The following MITF variants were observed in gnomAD, a reference collection of about 807,000 sequenced individuals.
The protein encoded by MITF is melanocyte inducing transcription factor.
A neutral mutation model predicts 60.5 loss-of-function variants in MITF; 17 were observed. The observed-to-expected ratio is 0.28, with a 90% CI of 0.19 to 0.42. MITF has a LOEUF of 0.42. Among genes scored for constraint, MITF ranks in the 10% least tolerant of loss-of-function variants. The pLI, the probability that MITF is intolerant of heterozygous loss-of-function variation, is 1.00. For missense variants in MITF, 622 were observed against 683.5 expected (o/e 0.91, Z 1.00); for synonymous variants, 260 against 248.5 (o/e 1.05, Z -0.43).
chr3:69,811,568 A>G (rs2063100961), intron 1 of MITF, among the ~76,000 whole-genome samples: 1 of 152,234 alleles, frequency 6.6e-6, no homozygotes, highest in Admixed American at 6.5e-5. Context: ...TCTGTTTCCC[A>G]GAATGGTTTC....
intron 1 of MITF, among the ~76,000 whole-genome samples, chr3:69,841,401 G>T (rs548013175): frequency 6.6e-6 from 1 of 152,330 alleles, no homozygotes; most frequent in South Asian, 2.1e-4. Flanking sequence ...GATAAAAAGT[G>T]CAGGATGCAA....
chr3:69,915,701 C>T (rs2065318897), intron 2 of MITF, among the ~76,000 whole-genome samples: 2 of 152,110 alleles, frequency 1.3e-5, no homozygotes, highest in South Asian at 4.1e-4. Flanking sequence ...AGTAAGAAGA[C>T]CAGGCTTGGA....
intron 1 of MITF, among the ~76,000 whole-genome samples, chr3:69,838,985 C>T (rs976905052): frequency 2.0e-5 from 3 of 152,150 alleles, no homozygotes; most frequent in African/African-American, 7.2e-5. Flanking sequence ...TAGGGTAGCA[C>T]ACTTTATGTG....
chr3:69,872,252 A>C (rs2064255505), intron 1 of MITF, among the ~76,000 whole-genome samples: 1 of 152,170 alleles, frequency 6.6e-6, no homozygotes, highest in African/African-American at 2.4e-5. Context: ...CCTTAGTTTA[A>C]AATATCTTTT....
At chr3:69,849,948 G>A (rs2063797633) in intron 1 of MITF, among the ~76,000 whole-genome samples, 1 of 152,144 alleles carries the variant, frequency 6.6e-6, no homozygotes, top group African/African-American at 2.4e-5. Context: ...GCAGTTTGTG[G>A]TCAGCTAGTT....
At chr3:69,912,493 C>T (rs1342042240) in intron 2 of MITF, among the ~76,000 whole-genome samples, 10 of 152,250 alleles carry the variant, frequency 6.6e-5, no homozygotes, top group Non-Finnish European at 1.5e-4. Flanking sequence ...AGAAACTTGC[C>T]ATCACTGTAT....
At chr3:69,774,959 C>A (rs779228390) in intron 1 of MITF, among the ~76,000 whole-genome samples, 1 of 152,168 alleles carries the variant, frequency 6.6e-6, no homozygotes, top group Admixed American at 6.5e-5. Context: ...TGCTTCCTTT[C>A]AGTTATTTTA....
intron 5 of MITF, 104 bp from the exon 6 acceptor site, chr3:69,948,947 A>G: frequency 1.2e-6 from 1 of 841,580 alleles, no homozygotes; most frequent in East Asian, 2.6e-5. Flanking sequence ...TTTTGTATCA[A>G]ATAATTTTTC....
chr3:69,880,152 T>C lies in MITF; in HGVS notation c.354+769T>C, dbSNP rs575159032. Reference sequence around the variant, plus strand: ...AGAGGAACTTCCTTATTTTTAGTTTTTTTATTTTAGTACCTGCTCACCTAA... The same window carrying C: ...AGAGGAACTTCCTTATTTTTAGTTTCTTTATTTTAGTACCTGCTCACCTAA... On this transcript the variant is annotated intron_variant, in intron 2 of 9. Transcript: ENST00000352241. Among the ~76,000 whole-genome samples, 8 of 152,298 alleles carry C rather than the reference T, an allele frequency of 5.3e-5. No individual in the cohort carries two copies. In the South Asian group the frequency reaches 1.7e-3, roughly 32 times the overall value.
At chr3:69,895,630 A>G (rs1206432726) in intron 2 of MITF, among the ~76,000 whole-genome samples, 1 of 151,914 alleles carries the variant, frequency 6.6e-6, no homozygotes, top group Non-Finnish European at 1.5e-5. Flanking sequence ...TCTTTCCCTT[A>G]TGAAGCAGAA....
chr3:69,864,554 T>A (rs925000883), intron 1 of MITF, among the ~76,000 whole-genome samples: 1 of 152,206 alleles, frequency 6.6e-6, no homozygotes, highest in African/African-American at 2.4e-5. Context: ...TAGCTAACTC[T>A]GACAGTTTTC....
At chr3:69,889,137 T>A (rs1055574792) in intron 2 of MITF, among the ~76,000 whole-genome samples, 15 of 149,024 alleles carry the variant, frequency 1.0e-4, no homozygotes, top group Non-Finnish European at 1.9e-4. Context: ...CCTCATGACT[T>A]CAGCCTCTTA....
intron 1 of MITF, among the ~76,000 whole-genome samples, chr3:69,805,832 A>T (rs1334154201): frequency 6.6e-6 from 1 of 151,812 alleles, no homozygotes; most frequent in East Asian, 2.0e-4. Context: ...CTAATTTTTT[A>T]AATTTTTTTG....
intron 1 of MITF, among the ~76,000 whole-genome samples, chr3:69,814,252 AC>A (rs2063146020): frequency 6.6e-6 from 1 of 152,152 alleles, no homozygotes; most frequent in South Asian, 2.1e-4. Context: ...GTGTCTGATG[AC>A]CCAACCTTGT....
At chr3:69,858,528 G>C (rs915363944) in intron 1 of MITF, among the ~76,000 whole-genome samples, 1 of 151,836 alleles carries the variant, frequency 6.6e-6, no homozygotes, top group African/African-American at 2.4e-5. Context: ...GTGACTCCTG[G>C]GTATGTTTAC....
chr3:69,832,847 G>A (rs2063472552), intron 1 of MITF, among the ~76,000 whole-genome samples: 2 of 152,210 alleles, frequency 1.3e-5, no homozygotes, highest in African/African-American at 2.4e-5. Flanking sequence ...TGCACTGTAT[G>A]TAGTTGTTTG....
At chr3:69,859,149 GA>G (rs942681610) in intron 1 of MITF, among the ~76,000 whole-genome samples, 4 of 152,130 alleles carry the variant, frequency 2.6e-5, no homozygotes, top group African/African-American at 9.7e-5. Context: ...TCTCCAGTTG[GA>G]AAAATGGTGC....
At chr3:69,935,926 A>G (rs948546572) in intron 2 of MITF, among the ~76,000 whole-genome samples, 1 of 152,224 alleles carries the variant, frequency 6.6e-6, no homozygotes. Flanking sequence ...ATATGTAAAA[A>G]TTCTCAGCAA....
At chr3:69,919,653 C>A (rs1032548841) in intron 2 of MITF, among the ~76,000 whole-genome samples, 1 of 152,144 alleles carries the variant, frequency 6.6e-6, no homozygotes, top group Non-Finnish European at 1.5e-5. Context: ...TCTCTGAGAG[C>A]ATTTGGCACA....
Sources: gnomAD v4.1 joint callset for allele counts (sites outside exome capture counted in the v4.1 genomes callset) on GRCh38, gnomAD v4.1.1 for gene constraint, MANE v1.5 for transcripts, NCBI Gene and HGNC (gene_info 2026-07-23, HGNC 2026-07-21) for gene names.